The following SSBP2 variants were observed in gnomAD, a reference collection of about 807,000 sequenced individuals.
SSBP2 encodes the protein single stranded DNA binding protein 2, also known as single-stranded DNA-binding protein 2.
A neutral mutation model predicts 61.8 loss-of-function variants in SSBP2; 17 were observed. The ratio of observed to expected loss-of-function variants is 0.28; its 90% CI spans 0.19 to 0.41. The LOEUF is 0.41. SSBP2 is among the 10% of genes least tolerant of loss of function. SSBP2 has a pLI of 1.00. For synonymous variants in SSBP2, 139 were observed against 141.3 expected (o/e 0.98, Z 0.12); for missense variants, 310 against 458.7 (o/e 0.68, Z 2.96).
intron 4 of SSBP2, among the ~76,000 whole-genome samples, chr5:81,563,102 G>T (rs1299466629): frequency 6.6e-6 from 1 of 152,068 alleles, no homozygotes; most frequent in Non-Finnish European, 1.5e-5. Context: ...AAAGTTGAAG[G>T]TTTCACACTA....
intron 11 of SSBP2, among the ~76,000 whole-genome samples, chr5:81,447,461 G>T (rs938604531): frequency 6.6e-6 from 1 of 152,160 alleles, no homozygotes; most frequent in East Asian, 1.9e-4. Context: ...AATGCTGTGG[G>T]TTATTGAGGC....
chr5:81,630,261 A>G (rs979596749), intron 3 of SSBP2, among the ~76,000 whole-genome samples: 15 of 152,184 alleles, frequency 9.9e-5, no homozygotes, highest in African/African-American at 3.6e-4. Context: ...TCCCTAACCT[A>G]GGGCACAGAT....
chr5:81,554,885 C>T (rs1206249617), intron 4 of SSBP2, among the ~76,000 whole-genome samples: 2 of 152,094 alleles, frequency 1.3e-5, no homozygotes, highest in Non-Finnish European at 2.9e-5. Context: ...GATTTCTCTT[C>T]TGTTTCAATG....
At chr5:81,516,488 C>A (rs79143725) in intron 4 of SSBP2, among the ~76,000 whole-genome samples, 2 of 152,186 alleles carry the variant, frequency 1.3e-5, no homozygotes, top group East Asian at 1.9e-4. Context: ...GTATAAAGCA[C>A]TAGTCCACAG....
At chr5:81,631,636 G>C (rs1215135336) in intron 3 of SSBP2, among the ~76,000 whole-genome samples, 1 of 151,988 alleles carries the variant, frequency 6.6e-6, no homozygotes, top group Non-Finnish European at 1.5e-5. Context: ...AATATTTTGT[G>C]TGTGCGCCTA....
At chr5:81,602,299 C>T (rs1023871950) in intron 4 of SSBP2, among the ~76,000 whole-genome samples, 1 of 152,160 alleles carries the variant, frequency 6.6e-6, no homozygotes, top group African/African-American at 2.4e-5. Context: ...GGTTTCTACG[C>T]ATCAATTTAT....
At chr5:81,505,061 T>C (rs1768075838) in intron 5 of SSBP2, among the ~76,000 whole-genome samples, 1 of 152,244 alleles carries the variant, frequency 6.6e-6, no homozygotes, top group Admixed American at 6.5e-5. Flanking sequence ...CCTTACCCTT[T>C]GGATCTCTCA....
chr5:81,556,734 A>G, intron 4 of SSBP2, among the ~76,000 whole-genome samples: 1 of 152,102 alleles, frequency 6.6e-6, no homozygotes, highest in East Asian at 1.9e-4. Context: ...AAGAGCACAA[A>G]TTCTATTGTC....
intron 3 of SSBP2, among the ~76,000 whole-genome samples, chr5:81,631,781 G>C (rs1272960546): frequency 6.6e-6 from 1 of 151,958 alleles, no homozygotes; most frequent in African/African-American, 2.4e-5. Flanking sequence ...ATTTTGCAGA[G>C]GAAAAAGAAA....
chr5:81,643,666 G>A (rs1053278977), intron 2 of SSBP2, among the ~76,000 whole-genome samples: 42 of 132,344 alleles, frequency 3.2e-4, no homozygotes, highest in African/African-American at 1.2e-3. Context: ...ACAGTGGTGC[G>A]ATCTGGGCTC....
chr5:81,681,519 C>CAAAAAAAAAAAA, intron 1 of SSBP2, among the ~76,000 whole-genome samples: 1 of 107,094 alleles, frequency 9.3e-6, no homozygotes, highest in Non-Finnish European at 2.0e-5. Flanking sequence ...GGCTCCACCT[C>CAAAAAAAAAAAA]AAAAAAAAAA....
At chr5:81,641,735 C>T (rs1204879585) in intron 2 of SSBP2, among the ~76,000 whole-genome samples, 1 of 152,072 alleles carries the variant, frequency 6.6e-6, no homozygotes, top group Non-Finnish European at 1.5e-5. Flanking sequence ...AAATTAGAAA[C>T]AGCCTGAGAA....
intron 2 of SSBP2, among the ~76,000 whole-genome samples, chr5:81,643,602 T>C (rs1245577085): frequency 7.4e-6 from 1 of 135,486 alleles, no homozygotes; most frequent in African/African-American, 2.8e-5. Context: ...TTTCTTTTTT[T>C]TTTTTTTTTT....
At chr5:81,644,473 T>C (rs992991691) in intron 2 of SSBP2, among the ~76,000 whole-genome samples, 5 of 152,122 alleles carry the variant, frequency 3.3e-5, no homozygotes, top group South Asian at 2.1e-4. Flanking sequence ...GTCAACAAGA[T>C]AGAAGGCAAA....
At chr5:81,507,999 A>C (rs1768310522) in intron 5 of SSBP2, among the ~76,000 whole-genome samples, 2 of 152,198 alleles carry the variant, frequency 1.3e-5, no homozygotes, top group South Asian at 4.1e-4. Context: ...TGCAGGAATC[A>C]AAGTCCTTTG....
At chr5:81,685,178 C>G (rs1329719495) in intron 1 of SSBP2, among the ~76,000 whole-genome samples, 1 of 152,122 alleles carries the variant, frequency 6.6e-6, no homozygotes, top group East Asian at 1.9e-4. Flanking sequence ...CCCAGTCATG[C>G]TTCCTGTTAA....
chr5:81,455,945 G>A (rs1764114240), intron 10 of SSBP2, among the ~76,000 whole-genome samples: 1 of 152,086 alleles, frequency 6.6e-6, no homozygotes, highest in Non-Finnish European at 1.5e-5. Context: ...AGTAACTAGA[G>A]GACTTTCATT....
At chr5:81,605,702 GA>G (rs1744816866) in intron 4 of SSBP2, among the ~76,000 whole-genome samples, 1 of 151,878 alleles carries the variant, frequency 6.6e-6, no homozygotes, top group Non-Finnish European at 1.5e-5. Context: ...TAAGAAAAAA[GA>G]AGGGAAAAAC....
At chr5:81,592,273 A>T (rs530953151) in intron 4 of SSBP2, among the ~76,000 whole-genome samples, 5 of 152,378 alleles carry the variant, frequency 3.3e-5, no homozygotes, top group African/African-American at 1.2e-4. Context: ...GCAAGGCAGC[A>T]GCGAGGATGG....
Sources: gnomAD v4.1 joint callset for allele counts (sites outside exome capture counted in the v4.1 genomes callset) on GRCh38, gnomAD v4.1.1 for gene constraint, MANE v1.5 for transcripts, NCBI Gene and HGNC (gene_info 2026-07-23, HGNC 2026-07-21) for gene names.